CERKL: variants seen among roughly 807,000 people sequenced by gnomAD.
CERKL encodes the protein CERK like autophagy regulator.
Under a neutral mutation model 63.4 loss-of-function variants are expected in CERKL, and 61 were observed. The ratio of observed to expected loss-of-function variants is 0.96; its 90% CI spans 0.78 to 1.19. CERKL has a LOEUF of 1.19. Among genes scored for constraint, CERKL ranks in the 50% most tolerant of loss-of-function variants. The pLI is 0.00. For missense variants in CERKL, 675 were observed against 655.5 expected (o/e 1.03, Z -0.33); for synonymous variants, 250 against 230.5 (o/e 1.08, Z -0.77).
rs1413727326 is a variant in CERKL at position 181,641,322 on chromosome 2, TATATATATATATATATATATATAC to T, written c.238+15423_238+15446del. On this transcript the variant is annotated intron_variant, in intron 1 of 12. Coordinates refer to ENST00000410087, the MANE Select transcript of CERKL (RefSeq NM_201548.5). Reference sequence around the variant, plus strand: ...GTATGCATATATATATATATATATATATATATATATATATATATATATACATATATATACACATATTTTTTTCCC... The same window carrying T: ...GTATGCATATATATATATATATATATATATATATACACATATTTTTTTCCC... Among the ~76,000 whole-genome samples, 16 of 40,124 alleles carry T rather than the reference TATATATATATATATATATATATAC, an allele frequency of 4.0e-4. No individual in the cohort carries two copies. The South Asian group carries it at 0.014, about 36-fold the overall frequency. The allele number at this position is 40,124 out of a possible 152,430, so 26.3% of individuals were successfully genotyped here.
chr2:181,604,138 G>A lies in CERKL; in HGVS notation c.239-59C>T, dbSNP rs6433925. 24 of 1,387,042 alleles carry A rather than the reference G, an allele frequency of 1.7e-5. No individual in the cohort carries two copies. The African/African-American group carries it at 2.9e-4, about 16-fold the overall frequency. The allele number at this position is 1,387,042 out of a possible 1,614,324, so 85.9% of individuals were successfully genotyped here. ...TTGTGTTTCATAGAGAGGAACAACAGACACTGGGGCTTACCAGAGGGTAGA... is the reference window on the plus strand; with the variant it reads ...TTGTGTTTCATAGAGAGGAACAACAAACACTGGGGCTTACCAGAGGGTAGA... On this transcript the variant is annotated intron_variant, in intron 1 of 12. Coordinates refer to ENST00000410087, the MANE Select transcript of CERKL (RefSeq NM_201548.5).
intron 1 of CERKL, among the ~76,000 whole-genome samples, chr2:181,651,684 A>AAAAGT (rs1304502660): frequency 4.7e-5 from 7 of 150,302 alleles, no homozygotes; most frequent in Admixed American, 6.6e-5. Flanking sequence ...ACTGGGCAAG[A>AAAAGT]GAAAGAAGTA....
chr2:181,574,203 T>C (rs1185862311), intron 2 of CERKL, among the ~76,000 whole-genome samples: 1 of 152,176 alleles, frequency 6.6e-6, no homozygotes, highest in Non-Finnish European at 1.5e-5. Flanking sequence ...CCACAATATA[T>C]CAAATGTTCT....
At chr2:181,655,648 A>G (rs1259201303) in intron 1 of CERKL, among the ~76,000 whole-genome samples, 1 of 152,228 alleles carries the variant, frequency 6.6e-6, no homozygotes, top group Non-Finnish European at 1.5e-5. Flanking sequence ...AGTTGGTTTC[A>G]TTTTGTTAGA....
chr2:181,568,168 T>C (rs1688744597), intron 3 of CERKL, among the ~76,000 whole-genome samples: 1 of 152,134 alleles, frequency 6.6e-6, no homozygotes, highest in Non-Finnish European at 1.5e-5. Flanking sequence ...GAAAATCACC[T>C]GAAATAAAAT....
chr2:181,549,596 T>C, intron 6 of CERKL, 38 bp downstream of exon 6: 1 of 1,447,044 alleles, frequency 6.9e-7, no homozygotes, highest in Non-Finnish European at 9.7e-7. Context: ...AATCAACATT[T>C]CCTTATAAAA....
At chr2:181,647,230 A>C (rs1231762687) in intron 1 of CERKL, among the ~76,000 whole-genome samples, 8 of 152,258 alleles carry the variant, frequency 5.3e-5, no homozygotes, top group Non-Finnish European at 8.8e-5. Context: ...AGGTCTAGAA[A>C]GTCTGAAGCT....
intron 4 of CERKL, among the ~76,000 whole-genome samples, chr2:181,559,135 G>T (rs1032007498): frequency 2.6e-5 from 4 of 152,018 alleles, no homozygotes; most frequent in Admixed American, 6.6e-5. Context: ...AAGACAGATA[G>T]CAATAAAAAT....
intron 2 of CERKL, among the ~76,000 whole-genome samples, chr2:181,595,176 G>C (rs979842396): frequency 6.6e-6 from 1 of 151,924 alleles, no homozygotes; most frequent in African/African-American, 2.4e-5. Context: ...ATAAAGCCTG[G>C]TAATCTGTCA....
chr2:181,565,366 A>G, intron 4 of CERKL: 1 of 1,036,620 alleles, frequency 9.6e-7, no homozygotes, highest in Non-Finnish European at 1.5e-6. Context: ...CTTACACATC[A>G]GTCCAACACT....
intron 1 of CERKL, among the ~76,000 whole-genome samples, chr2:181,618,012 T>C (rs888499896): frequency 2.0e-5 from 3 of 152,196 alleles, no homozygotes; most frequent in African/African-American, 7.2e-5. Flanking sequence ...AAGCCAGAGT[T>C]GAAAAAACTC....
chr2:181,580,110 T>C (rs1226785944), intron 2 of CERKL, among the ~76,000 whole-genome samples: 1 of 151,944 alleles, frequency 6.6e-6, no homozygotes, highest in East Asian at 1.9e-4. Flanking sequence ...TCCTGGTATT[T>C]CACTGAGATT....
At chr2:181,621,164 C>T (rs1296998316) in intron 1 of CERKL, among the ~76,000 whole-genome samples, 1 of 151,814 alleles carries the variant, frequency 6.6e-6, no homozygotes, top group African/African-American at 2.4e-5. Flanking sequence ...ATTGTTTCCA[C>T]AAGAAAGAAA....
At chr2:181,591,136 A>G (rs1026139318) in intron 2 of CERKL, among the ~76,000 whole-genome samples, 1 of 152,190 alleles carries the variant, frequency 6.6e-6, no homozygotes, top group African/African-American at 2.4e-5. Flanking sequence ...TTAAGTTTAA[A>G]AGGAAAGTGG....
chr2:181,656,000 G>A (rs1029490655), intron 1 of CERKL, among the ~76,000 whole-genome samples: 6 of 152,108 alleles, frequency 3.9e-5, no homozygotes, highest in Non-Finnish European at 7.3e-5. Flanking sequence ...AAGTCTATAA[G>A]GCTATTTGAC....
At chr2:181,567,265 ATTTAT>A (rs551276053) in intron 3 of CERKL, among the ~76,000 whole-genome samples, 2 of 152,324 alleles carry the variant, frequency 1.3e-5, no homozygotes, top group Admixed American at 6.5e-5. Flanking sequence ...CTGATCATTC[ATTTAT>A]AACTACAGCA....
intron 2 of CERKL, among the ~76,000 whole-genome samples, chr2:181,586,146 C>A (rs1684755202): frequency 6.6e-6 from 1 of 151,978 alleles, no homozygotes; most frequent in Non-Finnish European, 1.5e-5. Context: ...GAAAAAAAAG[C>A]CTTTAGATTG....
chr2:181,609,478 C>A (rs1280927524), intron 1 of CERKL, among the ~76,000 whole-genome samples: 1 of 140,062 alleles, frequency 7.1e-6, no homozygotes. Flanking sequence ...GGCAGATCAC[C>A]TGAGATCAGA....
chr2:181,549,518 T>C (rs1687892052), intron 6 of CERKL, 116 bp downstream of exon 6: 2 of 800,984 alleles, frequency 2.5e-6, no homozygotes, highest in Non-Finnish European at 4.3e-6. Flanking sequence ...AACATTTCTC[T>C]ACTCTAAGAG....
Sources: allele counts gnomAD v4.1 joint callset (sites outside exome capture counted in the v4.1 genomes callset), GRCh38; gene constraint gnomAD v4.1.1; transcripts MANE v1.5; gene names NCBI Gene and HGNC (gene_info 2026-07-23, HGNC 2026-07-21).